UBXN7: variants seen among roughly 807,000 people sequenced by gnomAD.
UBXN7 encodes the protein UBX domain-containing protein 7.
Under a neutral mutation model 58.0 loss-of-function variants are expected in UBXN7, and 9 were observed. The ratio of observed to expected loss-of-function variants is 0.16; its 90% CI spans 0.09 to 0.27. The LOEUF is 0.27. Among genes scored for constraint, UBXN7 ranks in the 10% least tolerant of loss-of-function variants. UBXN7 has a pLI of 1.00. For synonymous variants in UBXN7, 208 were observed against 205.0 expected (o/e 1.01, Z -0.12); for missense variants, 328 against 599.6 (o/e 0.55, Z 4.73).
At chr3:196,425,510 G>T (rs977349536) in intron 1 of UBXN7, among the ~76,000 whole-genome samples, 1 of 152,050 alleles carries the variant, frequency 6.6e-6, no homozygotes, top group South Asian at 2.1e-4. Context: ...TCCCACCTCA[G>T]CCTCCCAAAG....
chr3:196,432,419 C>G lies in UBXN7; in HGVS notation c.-20G>C, dbSNP rs766773106. On this transcript the variant is annotated 5_prime_UTR_variant, in exon 1 of 11. Coordinates refer to ENST00000296328, the MANE Select transcript of UBXN7 (RefSeq NM_015562.2). ...AGCCATCTTACCGCCGCCGCCGCCG[C>G]CGAACAACAACACAGACACACACGG... 6.3e-7 allele frequency: 1 copy of G among 1,580,432 alleles called. No homozygotes were observed. Among genetic ancestry groups the G allele is most frequent in the South Asian group, 1.1e-5 (1 of 87,548 alleles).
At chr3:196,401,975 A>G (rs750628865) in intron 3 of UBXN7, among the ~76,000 whole-genome samples, 11 of 151,978 alleles carry the variant, frequency 7.2e-5, no homozygotes, top group Non-Finnish European at 1.3e-4. Flanking sequence ...CAAACCTAAA[A>G]TAAAAGTTGG....
At chr3:196,400,402 G>A (rs1225415597) in intron 3 of UBXN7, 1 of 152,258 alleles carries the variant, frequency 6.6e-6, no homozygotes, top group Non-Finnish European at 1.5e-5. Flanking sequence ...CTTCCTAACT[G>A]TAAAAAGTCA....
chr3:196,389,083 T>G (rs964141049), intron 5 of UBXN7, among the ~76,000 whole-genome samples: 2 of 152,192 alleles, frequency 1.3e-5, no homozygotes, highest in Admixed American at 1.3e-4. Flanking sequence ...GTGACCAAAC[T>G]AAATCAAGCT....
intron 3 of UBXN7, among the ~76,000 whole-genome samples, chr3:196,402,101 A>T (rs932180276): frequency 6.6e-6 from 1 of 152,138 alleles, no homozygotes; most frequent in Non-Finnish European, 1.5e-5. Context: ...GGCTCACTGC[A>T]ACCTCAGCCT....
chr3:196,396,527 C>A (rs982623260), intron 3 of UBXN7, among the ~76,000 whole-genome samples: 14 of 152,236 alleles, frequency 9.2e-5, no homozygotes, highest in Non-Finnish European at 1.5e-5. Context: ...CTTTGGGAGA[C>A]CGAGGTGGGT....
chr3:196,424,596 A>T (rs2108626491), intron 1 of UBXN7, among the ~76,000 whole-genome samples: 1 of 151,358 alleles, frequency 6.6e-6, no homozygotes, highest in Non-Finnish European at 1.5e-5. Flanking sequence ...ATGTTGCCCA[A>T]GCTGGTCTTG....
chr3:196,364,602 T>C (rs1223198677), intron 8 of UBXN7, among the ~76,000 whole-genome samples: 1 of 150,788 alleles, frequency 6.6e-6, no homozygotes, highest in Non-Finnish European at 1.5e-5. Flanking sequence ...AAAAAAAAAG[T>C]GTGAGTTGCT....
chr3:196,364,891 G>A (rs1728618333), intron 8 of UBXN7, among the ~76,000 whole-genome samples: 4 of 151,766 alleles, frequency 2.6e-5, no homozygotes, highest in Admixed American at 2.0e-4. Context: ...AACTTCAGGC[G>A]AACTTACCAC....
chr3:196,374,969 A>AG (rs1728959348), intron 5 of UBXN7, among the ~76,000 whole-genome samples: 1 of 25,554 alleles, frequency 3.9e-5, no homozygotes, highest in Non-Finnish European at 7.0e-5. Flanking sequence ...AAAAAAAGGA[A>AG]GGAGGGAAGG....
At chr3:196,369,208 T>C (rs1479825359) in intron 7 of UBXN7, among the ~76,000 whole-genome samples, 2 of 152,024 alleles carry the variant, frequency 1.3e-5, no homozygotes, top group Non-Finnish European at 2.9e-5. Context: ...TGCACAAACA[T>C]AAAATACTAC....
chr3:196,411,785 G>A (rs556952461), intron 1 of UBXN7, among the ~76,000 whole-genome samples: 8 of 152,302 alleles, frequency 5.3e-5, no homozygotes, highest in African/African-American at 1.9e-4. Flanking sequence ...ACTCCAGCCT[G>A]GGGCACAAGA....
At chr3:196,432,175 C>T (rs1209255515) in intron 1 of UBXN7, 152 bp downstream of exon 1, 1 of 1,102,766 alleles carries the variant, frequency 9.1e-7, no homozygotes, top group Non-Finnish European at 1.4e-6. Context: ...CCCGGAGACC[C>T]CGACGCCGTC....
intron 2 of UBXN7, among the ~76,000 whole-genome samples, chr3:196,405,266 T>A (rs1278117706): frequency 6.6e-6 from 1 of 151,824 alleles, no homozygotes; most frequent in Non-Finnish European, 1.5e-5. Context: ...GGTCAGGAAA[T>A]CGGGACCATC....
Position 196,413,438 on chromosome 3 carries a change from G to A in UBXN7, c.74-6045C>T, listed in dbSNP as rs539752066. ...CTTTTTGGGAAATTTAGAGAAAATC[G>A]CCTTTCATTTGGGGTCTGCCTTTTA... On this transcript the variant is annotated intron_variant, in intron 1 of 10. Transcript: ENST00000296328. 6.6e-5 allele frequency among the ~76,000 whole-genome samples: 10 copies of A among 152,052 alleles called. 1 individual carries two copies. Among genetic ancestry groups the A allele is most frequent in the Non-Finnish European group, 7.4e-5 (5 of 68,006 alleles).
At chr3:196,374,102 A>C (rs903898493) in intron 5 of UBXN7, among the ~76,000 whole-genome samples, 8 of 152,256 alleles carry the variant, frequency 5.3e-5, no homozygotes, top group Admixed American at 6.5e-5. Context: ...CTACAGAAAC[A>C]GTATTTGAAA....
At chr3:196,381,175 C>G (rs963771947) in intron 5 of UBXN7, among the ~76,000 whole-genome samples, 15 of 152,366 alleles carry the variant, frequency 9.8e-5, no homozygotes, top group Admixed American at 4.6e-4. Flanking sequence ...AGATGGCCTC[C>G]TCAAGTGGGT....
intron 1 of UBXN7, chr3:196,432,060 A>C (rs1205789702): frequency 5.0e-6 from 3 of 594,216 alleles, no homozygotes; most frequent in South Asian, 1.8e-5. Context: ...GACTCGGCCC[A>C]TTCCCAGGTC....
In UBXN7 at chr3:196,369,477, A is replaced by G. The variant is rs1451054642; in HGVS notation, c.650T>C (p.Ile217Thr). The part of the protein sequence containing the change: ...YHDSEEGQRY[I>T]QFYKLGDFPY... ...GAAATCCCCTAACTTATAAAACTGT[A>G]TGTATCTCTGACCTTCCTCACTGTC... Residue 217 changes from isoleucine to threonine, a missense_variant, in exon 7 of 11, where the codon ATA becomes ACA. Ile to Thr is a moderately conservative substitution (Grantham distance 89). This residue lies in a region of UBXN7 where 126 missense variants were observed against 302.6 expected (regional missense o/e 0.42). Coordinates refer to ENST00000296328, the MANE Select transcript of UBXN7 (RefSeq NM_015562.2). 3 of 1,613,356 alleles carry G rather than the reference A, an allele frequency of 1.9e-6. No individual in the cohort carries two copies. Among genetic ancestry groups the G allele is most frequent in the Non-Finnish European group, 2.5e-6 (3 of 1,179,694 alleles).
Sources: gnomAD v4.1 joint callset for allele counts (sites outside exome capture counted in the v4.1 genomes callset) on GRCh38, gnomAD v4.1.1 for gene constraint, gnomAD v4.1.1 regional missense constraint, MANE v1.5 for transcripts, NCBI Gene and HGNC (gene_info 2026-07-23, HGNC 2026-07-21) for gene names.